LAMA3: variants seen among roughly 807,000 people sequenced by gnomAD.
The protein encoded by LAMA3 is laminin subunit alpha-3.
Under a neutral mutation model 402.0 loss-of-function variants are expected in LAMA3, and 281 were observed. That is an observed-to-expected ratio of 0.70 (90% CI 0.63 to 0.77). The LOEUF is 0.77. Among genes scored for constraint, LAMA3 ranks in the 30% least tolerant of loss-of-function variants. The pLI is 0.00. For missense variants in LAMA3, 3,840 were observed against 4,215.5 expected, an observed-to-expected ratio of 0.91 and a Z score of 2.47; for synonymous variants, 1,431 against 1,558.4, an observed-to-expected ratio of 0.92 and a Z score of 1.93.
Position 23,867,819 on chromosome 18 carries a change from G to T in LAMA3, c.4684-15G>T. 1 of 1,607,150 alleles carries T rather than the reference G, an allele frequency of 6.2e-7. No homozygotes were observed. Among genetic ancestry groups the T allele is most frequent in the South Asian group, 1.1e-5 (1 of 90,924 alleles). On this transcript the variant is annotated splice_polypyrimidine_tract_variant and intron_variant, in intron 36 of 74. Coordinates refer to ENST00000313654, the MANE Select transcript of LAMA3 (RefSeq NM_198129.4). ...CAGTGAAGGTACTAACACATTCATGGTTTTCTTTAAACAGGGTCAGCACAT... is the reference window on the plus strand; with the variant it reads ...CAGTGAAGGTACTAACACATTCATGTTTTTCTTTAAACAGGGTCAGCACAT...
chr18:23,812,702 G>A (rs1352596554), intron 13 of LAMA3, among the ~76,000 whole-genome samples: 2 of 152,158 alleles, frequency 1.3e-5, no homozygotes, highest in Non-Finnish European at 2.9e-5. Flanking sequence ...TCTTTTAAAT[G>A]GGCAATTAAA....
At chr18:23,917,065 T>A (rs2081654905) in intron 60 of LAMA3, among the ~76,000 whole-genome samples, 1 of 152,102 alleles carries the variant, frequency 6.6e-6, no homozygotes, top group Non-Finnish European at 1.5e-5. Context: ...GTTCCCTTCT[T>A]TGCGTCCATG....
intron 18 of LAMA3, 36 bp downstream of exon 18, chr18:23,816,523 T>C: frequency 6.5e-7 from 1 of 1,529,860 alleles, no homozygotes; most frequent in Non-Finnish European, 9.0e-7. Flanking sequence ...ATGTTCAGGG[T>C]GTGAAAGATG....
intron 16 of LAMA3, 21 bp downstream of exon 16, chr18:23,815,261 A>T (rs2063153160): frequency 1.2e-6 from 2 of 1,611,044 alleles, no homozygotes; most frequent in East Asian, 4.5e-5. Flanking sequence ...CTGAGTTTTC[A>T]TGTGACAACA....
rs193149376 is a variant in LAMA3 at position 23,819,421 on chromosome 18, C to T, written c.2148-420C>T. Among the ~76,000 whole-genome samples, 485 of 152,228 alleles carry T rather than the reference C, an allele frequency of 3.2e-3. 2 individuals carry two copies. The highest frequency in any genetic ancestry group is 0.011 in the African/African-American group (458 of 41,542). ...ATTTTATGTCATGTTCATCATTATA[C>T]CTATGGTCCTTAGCAAGAGTGCCTG... On this transcript the variant is annotated intron_variant, in intron 18 of 74. Coordinates refer to ENST00000313654, the MANE Select transcript of LAMA3 (RefSeq NM_198129.4).
chr18:23,710,024 C>T (rs917591993), intron 1 of LAMA3: 4 of 768,198 alleles, frequency 5.2e-6, no homozygotes, highest in Non-Finnish European at 9.3e-6. Flanking sequence ...TGTCTTCTAT[C>T]TTCTTCATGG....
At chr18:23,747,035 G>A (rs2061662936) in intron 2 of LAMA3, among the ~76,000 whole-genome samples, 1 of 152,020 alleles carries the variant, frequency 6.6e-6, no homozygotes, top group Non-Finnish European at 1.5e-5. Context: ...GCATTCTTGG[G>A]CTAGAGGCGA....
intron 62 of LAMA3, 101 bp from the exon 63 acceptor site, chr18:23,928,022 C>T (rs1364652472): frequency 4.8e-6 from 4 of 834,698 alleles, no homozygotes; most frequent in South Asian, 4.0e-5. Flanking sequence ...AACACCTACT[C>T]ATTTATGGGT....
chr18:23,717,936 A>C (rs1331269581), intron 2 of LAMA3, among the ~76,000 whole-genome samples: 1 of 151,814 alleles, frequency 6.6e-6, no homozygotes, highest in Non-Finnish European at 1.5e-5. Flanking sequence ...TCTGTGATTC[A>C]CTAGAGGCAT....
chr18:23,867,910 T>A lies in LAMA3; in HGVS notation c.4760T>A (p.Val1587Glu). The part of the protein sequence containing the change: ...PDRLHHGRVH[V>E]VEGNFRHASS... ...CGGCTGCATCATGGACGAGTGCACGTGGTCGAGGTAAAGGAAGAGCAACCA... is the reference window on the plus strand; with the variant it reads ...CGGCTGCATCATGGACGAGTGCACGAGGTCGAGGTAAAGGAAGAGCAACCA... Residue 1587 changes from valine to glutamate, a missense_variant, in exon 37 of 75, where the codon GTG (valine) becomes GAG (glutamate). This residue lies in a region of LAMA3 where 2,109 missense variants were observed against 2,376.0 expected (regional missense o/e 0.89). Coordinates refer to ENST00000313654, the MANE Select transcript of LAMA3 (RefSeq NM_198129.4). 6.2e-7 allele frequency: 1 copy of A among 1,613,870 alleles called. No homozygotes were observed. The highest frequency in any genetic ancestry group is 8.5e-7 in the Non-Finnish European group (1 of 1,179,762).
intron 74 of LAMA3, 34 bp downstream of exon 74, chr18:23,953,143 C>T: frequency 1.2e-6 from 2 of 1,612,122 alleles, no homozygotes; most frequent in Non-Finnish European, 1.7e-6. Flanking sequence ...AATGTGTTGC[C>T]CTGTGTCAGC....
At position 23,899,277 on chromosome 18, in the gene LAMA3, A is replaced by T. The variant is rs778086584; in HGVS notation, c.5837-11A>T. 6.2e-7 allele frequency: 1 copy of T among 1,612,388 alleles called. No individual in the cohort carries two copies. On this transcript the variant is annotated splice_polypyrimidine_tract_variant and intron_variant, in intron 46 of 74. Transcript: ENST00000313654. ...AATTCCCAGTCTAATAGACCACTTG[A>T]TGTTTCCTAGTTCTTTTAAAGCAGA...
At chr18:23,692,624 G>A (rs1279052979) in intron 1 of LAMA3, among the ~76,000 whole-genome samples, 2 of 152,124 alleles carry the variant, frequency 1.3e-5, no homozygotes, top group African/African-American at 2.4e-5. Flanking sequence ...TCTTTTGTTG[G>A]AAAATATTAA....
intron 1 of LAMA3, among the ~76,000 whole-genome samples, chr18:23,699,057 AG>A (rs2060743070): frequency 6.7e-6 from 1 of 149,692 alleles, no homozygotes; most frequent in South Asian, 2.1e-4. Flanking sequence ...AGAGAGAGAA[AG>A]AAAAGAAAAG....
chr18:23,782,972 C>G (rs112251867), intron 11 of LAMA3, among the ~76,000 whole-genome samples: 2 of 152,164 alleles, frequency 1.3e-5, no homozygotes, highest in Non-Finnish European at 2.9e-5. Context: ...TTATCTATTT[C>G]TGTGTCTTAA....
intron 8 of LAMA3, among the ~76,000 whole-genome samples, chr18:23,771,040 A>T (rs1051559536): frequency 3.9e-5 from 6 of 152,240 alleles, no homozygotes; most frequent in African/African-American, 1.4e-4. Flanking sequence ...ACATACACCT[A>T]TCCCATGACT....
rs796201649 is a variant in LAMA3, at chr18:23,772,214, A to G, written c.1183-1283A>G. ...GTGCCACCATGCCCGGCTAATTTTT[A>G]TATTTTTAGCAGAGACGGGGTTTCA... On this transcript the variant is annotated intron_variant, in intron 8 of 74. Transcript: ENST00000313654. Among the ~76,000 whole-genome samples, 33 of 152,088 alleles carry G rather than the reference A, an allele frequency of 2.2e-4. 1 individual carries two copies. The highest frequency in any genetic ancestry group is 8.0e-4 in the African/African-American group (33 of 41,494).
intron 4 of LAMA3, 48 bp from the exon 5 acceptor site, chr18:23,750,870 T>C: frequency 6.2e-7 from 1 of 1,607,090 alleles, no homozygotes; most frequent in East Asian, 2.2e-5. Flanking sequence ...CTGCTAAATT[T>C]TGATAAAAGG....
chr18:23,718,008 A>G (rs1362836080), intron 2 of LAMA3, among the ~76,000 whole-genome samples: 1 of 152,172 alleles, frequency 6.6e-6, no homozygotes, highest in South Asian at 2.1e-4. Context: ...TTCAGGCTAT[A>G]GAATGAGAAC....
Sources: allele counts gnomAD v4.1 joint callset (sites outside exome capture counted in the v4.1 genomes callset), GRCh38; gene constraint gnomAD v4.1.1; regional missense constraint gnomAD v4.1.1; transcripts MANE v1.5; gene names NCBI Gene and HGNC (gene_info 2026-07-23, HGNC 2026-07-21).